Variants in SRBD1 observed in about 807,000 individuals in gnomAD.
SRBD1 encodes S1 RNA binding domain 1.
Under a neutral mutation model 115.3 loss-of-function variants are expected in SRBD1, and 88 were observed. That is an observed-to-expected ratio of 0.76 (90% CI 0.64 to 0.91). The LOEUF is 0.91. SRBD1 is among the 40% of genes least tolerant of loss of function. SRBD1 has a pLI of 0.00. For synonymous variants in SRBD1, 509 were observed against 407.7 expected (o/e 1.25, Z -2.99); for missense variants, 1,385 against 1,177.4 (o/e 1.18, Z -2.58).
At chr2:45,425,982 G>T (rs1040305822) in intron 16 of SRBD1, among the ~76,000 whole-genome samples, 1 of 152,058 alleles carries the variant, frequency 6.6e-6, no homozygotes, top group Non-Finnish European at 1.5e-5. Flanking sequence ...GTGGTGTCTG[G>T]AATGCCAGTG....
At chr2:45,518,983 T>C (rs57288912) in intron 14 of SRBD1, among the ~76,000 whole-genome samples, 4 of 146,488 alleles carry the variant, frequency 2.7e-5, no homozygotes, top group Non-Finnish European at 6.0e-5. Flanking sequence ...AAAAAAAAAA[T>C]CTCACCATTT....
chr2:45,476,162 G>T (rs1335275316), intron 16 of SRBD1, among the ~76,000 whole-genome samples: 5 of 152,154 alleles, frequency 3.3e-5, no homozygotes, highest in Admixed American at 3.3e-4. Context: ...ATATATGACA[G>T]GTTAATCTAA....
intron 14 of SRBD1, among the ~76,000 whole-genome samples, chr2:45,525,332 C>T (rs1000414655): frequency 2.0e-5 from 3 of 151,846 alleles, no homozygotes; most frequent in Non-Finnish European, 2.9e-5. Flanking sequence ...CAAATGTAAT[C>T]AACAAAAATG....
At chr2:45,399,782 G>C (rs1484432528) in intron 19 of SRBD1, among the ~76,000 whole-genome samples, 1 of 152,116 alleles carries the variant, frequency 6.6e-6, no homozygotes, top group South Asian at 2.1e-4. Flanking sequence ...ACAAAATTAA[G>C]TTAGTGGTTT....
At chr2:45,450,978 C>G (rs1668975138) in intron 16 of SRBD1, among the ~76,000 whole-genome samples, 1 of 152,114 alleles carries the variant, frequency 6.6e-6, no homozygotes, top group Non-Finnish European at 1.5e-5. Context: ...AAAGTGGAAA[C>G]ACAAAAGATG....
At position 45,546,768 on chromosome 2, in the gene SRBD1, A is replaced by G; in HGVS notation, c.1838T>C (p.Met613Thr). The G allele has an allele frequency of 1.2e-6, 2 of 1,614,144 alleles. No homozygotes were observed. Among genetic ancestry groups the G allele is most frequent in the South Asian group, 1.1e-5 (1 of 91,086 alleles). ...ETEAYFADLI[M>T]KNYFAPLDVV... ...ATCCAGTGGTGCAAAATAATTCTTC[A>G]TTATCAGGTCAGCAAAGTAAGCTTC... The change falls in exon 14 of 21, where the codon ATG becomes ACG. Residue 613 changes from methionine (M) to threonine (T), a missense_variant. Met to Thr is a moderately conservative substitution (Grantham distance 81). Coordinates refer to ENST00000263736, the MANE Select transcript of SRBD1 (RefSeq NM_018079.5).
chr2:45,575,446 T>C (rs1673147258), intron 7 of SRBD1, among the ~76,000 whole-genome samples: 1 of 152,234 alleles, frequency 6.6e-6, no homozygotes, highest in Non-Finnish European at 1.5e-5. Context: ...TCATTTCTTT[T>C]GTCTTTATCA....
In SRBD1 at chr2:45,389,572, C is replaced by T. The variant is rs1480482716; in HGVS notation, c.2726G>A (p.Ser909Asn). 3.1e-6 allele frequency: 5 copies of T among 1,613,550 alleles called. No homozygotes were observed. The highest frequency in any genetic ancestry group is 2.2e-5 in the South Asian group (2 of 91,002). Residue 909 changes from serine (S) to asparagine (N), a missense_variant, in exon 21 of 21, where the codon AGC becomes AAC. Coordinates refer to ENST00000263736, the MANE Select transcript of SRBD1 (RefSeq NM_018079.5). ...CTGCAGATCTTCCAGGCATACTATG[C>T]TTCTCTTGAAATCAGGTTTATCAAA... Reference protein sequence around the residue: ...TDFDKPDFKRSIVCLEDLQIG... With the variant: ...TDFDKPDFKRNIVCLEDLQIG...
chr2:45,599,713 T>C lies in SRBD1; in HGVS notation c.384A>G (p.Arg128=). The C allele has an allele frequency of 3.1e-6, 5 of 1,614,226 alleles. No homozygotes were observed. The highest frequency in any genetic ancestry group is 4.2e-6 in the Non-Finnish European group (5 of 1,180,036). ...CTTCAACTTTCAGCTTTTTAGTCCT[T>C]CGAACTGTATGTGGCTGCGCTGCAC... The part of the protein sequence containing the change: ...QKCAAQPHTV[R]RTKKLKVEEE... Residue 128 remains arginine (R), a synonymous_variant, in exon 4 of 21, where the codon CGA becomes CGG. Transcript: ENST00000263736.
chr2:45,489,362 C>T (rs1163449144), intron 14 of SRBD1, among the ~76,000 whole-genome samples: 1 of 152,158 alleles, frequency 6.6e-6, no homozygotes, highest in Non-Finnish European at 1.5e-5. Flanking sequence ...ATGTAACGTA[C>T]TGCCCCACTG....
At chr2:45,580,148 G>C in intron 6 of SRBD1, 135 bp from the exon 7 acceptor site, 1 of 694,188 alleles carries the variant, frequency 1.4e-6, no homozygotes, top group Non-Finnish European at 2.1e-6. Context: ...CTTCAGAGAT[G>C]AATTAAAACT....
intron 16 of SRBD1, among the ~76,000 whole-genome samples, chr2:45,458,760 C>T (rs912633500): frequency 6.6e-6 from 1 of 152,066 alleles, no homozygotes; most frequent in African/African-American, 2.4e-5. Flanking sequence ...CACAAAACAC[C>T]CTCTACATTC....
In SRBD1 at chr2:45,562,652, C is replaced by T; in HGVS notation, c.1409+1G>A. Reference sequence around the variant, plus strand: ...AATTCTGTAAATATCTGTAAACAGACCTGTTTTGGATGCACCACCTACAGA... The same window carrying T: ...AATTCTGTAAATATCTGTAAACAGATCTGTTTTGGATGCACCACCTACAGA... On this transcript the variant is annotated splice_donor_variant, in intron 10 of 20. Coordinates refer to ENST00000263736, the MANE Select transcript of SRBD1 (RefSeq NM_018079.5). LOFTEE classifies it high-confidence loss of function. 1.9e-6 allele frequency: 3 copies of T among 1,596,358 alleles called. No individual in the cohort carries two copies. Among genetic ancestry groups the T allele is most frequent in the Non-Finnish European group, 2.6e-6 (3 of 1,173,886 alleles).
chr2:45,538,610 G>C (rs538520815), intron 14 of SRBD1, among the ~76,000 whole-genome samples: 191 of 152,332 alleles, frequency 1.3e-3, no homozygotes, highest in African/African-American at 4.4e-3. Context: ...AAAAGGCTAT[G>C]AGACCTGTCC....
chr2:45,471,937 T>C (rs538970786), intron 16 of SRBD1, among the ~76,000 whole-genome samples: 1 of 152,310 alleles, frequency 6.6e-6, no homozygotes, highest in South Asian at 2.1e-4. Flanking sequence ...GACATGGCTT[T>C]AAAATTATGT....
At chr2:45,531,856 G>T (rs1025993594) in intron 14 of SRBD1, among the ~76,000 whole-genome samples, 1 of 151,732 alleles carries the variant, frequency 6.6e-6, no homozygotes, top group African/African-American at 2.4e-5. Context: ...CTTCTCATAT[G>T]ACTCAATAAA....
chr2:45,574,750 C>A lies in SRBD1; in HGVS notation c.1073-27G>T, dbSNP rs774299369. Reference sequence around the variant, plus strand: ...TTTAGGAGAAGGGTAAAAAGGAAAACAAAAACAAAAAGTATACGATTGGTT... The same window carrying A: ...TTTAGGAGAAGGGTAAAAAGGAAAAAAAAAACAAAAAGTATACGATTGGTT... On this transcript the variant is annotated intron_variant, in intron 7 of 20. Coordinates refer to ENST00000263736, the MANE Select transcript of SRBD1 (RefSeq NM_018079.5). 5 of 1,561,628 alleles carry A rather than the reference C, an allele frequency of 3.2e-6. No homozygotes were observed. The Admixed American group carries it at 6.0e-5, about 19-fold the overall frequency.
chr2:45,478,550 T>C (rs1291999722), intron 15 of SRBD1, among the ~76,000 whole-genome samples: 1 of 152,226 alleles, frequency 6.6e-6, no homozygotes, highest in Non-Finnish European at 1.5e-5. Flanking sequence ...AAACCTTTAT[T>C]ATTTAAAGAA....
chr2:45,435,765 C>T (rs1417352183), intron 16 of SRBD1, among the ~76,000 whole-genome samples: 1 of 152,048 alleles, frequency 6.6e-6, no homozygotes, highest in Non-Finnish European at 1.5e-5. Context: ...TACACTACCC[C>T]CACCCTAACA....
Sources: gnomAD v4.1 joint callset for allele counts (sites outside exome capture counted in the v4.1 genomes callset) on GRCh38, gnomAD v4.1.1 for gene constraint, MANE v1.5 for transcripts, NCBI Gene and HGNC (gene_info 2026-07-23, HGNC 2026-07-21) for gene names.